Variants in GATAD2A observed in about 807,000 individuals in gnomAD.
GATAD2A encodes transcriptional repressor p66-alpha.
GATAD2A carries 12 observed loss-of-function variants against 68.5 expected under a neutral mutation model. The observed-to-expected ratio is 0.18, with a 90% CI of 0.11 to 0.28. The LOEUF is 0.28. Among genes scored for constraint, GATAD2A ranks in the 10% least tolerant of loss-of-function variants. The pLI is 1.00. For synonymous variants in GATAD2A, 410 were observed against 375.3 expected, an observed-to-expected ratio of 1.09 and a Z score of -1.07; for missense variants, 755 against 868.5, an observed-to-expected ratio of 0.87 and a Z score of 1.64.
intron 1 of GATAD2A, among the ~76,000 whole-genome samples, chr19:19,444,912 T>C (rs1265954138): frequency 6.6e-6 from 1 of 151,704 alleles, no homozygotes; most frequent in Non-Finnish European, 1.5e-5. Context: ...AGTTTTGTTT[T>C]ATTTGGATTT....
intron 2 of GATAD2A, among the ~76,000 whole-genome samples, chr19:19,473,150 G>C (rs2058434756): frequency 6.6e-6 from 1 of 152,172 alleles, no homozygotes; most frequent in Non-Finnish European, 1.5e-5. Flanking sequence ...TGGCGTTCAG[G>C]CAGCTCTTGT....
Position 19,492,371 on chromosome 19 carries a change from C to G in GATAD2A, c.335C>G (p.Pro112Arg), listed in dbSNP as rs2059855564. The change falls in exon 3 of 12, where the codon CCC becomes CGC. Residue 112 changes from proline (P) to arginine (R), a missense_variant. Transcript: ENST00000683918. ...DVIVLSDNEQ[P>R]SSPRVNGLTT... is the part of the protein sequence containing the mutation. ...ATTGTGCTCTCCGACAACGAGCAGC[C>G]CTCGAGCCCGAGAGTGAATGGGCTG... The G allele has an allele frequency of 6.2e-7, 1 of 1,612,958 alleles. No individual in the cohort carries two copies. The highest frequency in any genetic ancestry group is 8.5e-7 in the Non-Finnish European group (1 of 1,179,506).
intron 1 of GATAD2A, among the ~76,000 whole-genome samples, chr19:19,408,653 T>G (rs2050570046): frequency 6.6e-6 from 1 of 152,214 alleles, no homozygotes; most frequent in African/African-American, 2.4e-5. Context: ...AGGTAGTGAT[T>G]TCTAGATTGA....
intron 10 of GATAD2A, 41 bp downstream of exon 10, chr19:19,502,084 C>T (rs535919053): frequency 1.1e-5 from 16 of 1,468,124 alleles, no homozygotes; most frequent in South Asian, 3.4e-5. Flanking sequence ...GCGCCCCCAC[C>T]GCAGCCCGTG....
chr19:19,406,781 A>G (rs1431516195), intron 1 of GATAD2A, among the ~76,000 whole-genome samples: 12 of 152,198 alleles, frequency 7.9e-5, no homozygotes, highest in Non-Finnish European at 1.8e-4. Context: ...GCTTATGGGC[A>G]GGGCCCAGGC....
intron 2 of GATAD2A, among the ~76,000 whole-genome samples, chr19:19,477,534 T>G (rs1313993489): frequency 1.3e-5 from 2 of 152,086 alleles, no homozygotes; most frequent in African/African-American, 4.8e-5. Flanking sequence ...TCTGGGGGAC[T>G]GCAGCCCAGA....
At chr19:19,464,397 G>A (rs544940755) in intron 1 of GATAD2A, among the ~76,000 whole-genome samples, 217 of 152,310 alleles carry the variant, frequency 1.4e-3, no homozygotes, top group Non-Finnish European at 1.8e-3. Flanking sequence ...GGACGTCGAG[G>A]CCGGGATTAG....
chr19:19,405,536 G>A (rs918128796), upstream of GATAD2A, among the ~76,000 whole-genome samples: 4 of 152,124 alleles, frequency 2.6e-5, no homozygotes, highest in African/African-American at 9.6e-5. Flanking sequence ...GGTGTCGCGT[G>A]GGAGCGCGCC....
intron 1 of GATAD2A, among the ~76,000 whole-genome samples, chr19:19,462,312 G>A (rs2057504865): frequency 6.6e-6 from 1 of 152,226 alleles, no homozygotes; most frequent in African/African-American, 2.4e-5. Flanking sequence ...GGTGGCCGAG[G>A]ATTGGCCAGT....
chr19:19,398,392 C>T (rs1020937720), intron 1 of GATAD2A, among the ~76,000 whole-genome samples: 1 of 151,242 alleles, frequency 6.6e-6, no homozygotes, highest in Non-Finnish European at 1.5e-5. Flanking sequence ...TTAGTAGAGA[C>T]GGGGTTTCAT....
intron 3 of GATAD2A, 35 bp from the exon 4 acceptor site, chr19:19,492,546 G>A (rs765567240): frequency 1.9e-6 from 3 of 1,612,836 alleles, no homozygotes; most frequent in East Asian, 2.2e-5. Flanking sequence ...CACCAAGGAC[G>A]CTCCCTCTCA....
chr19:19,440,911 C>T (rs1195421456), intron 1 of GATAD2A, among the ~76,000 whole-genome samples: 3 of 138,430 alleles, frequency 2.2e-5, no homozygotes, highest in East Asian at 4.0e-4. Context: ...CCCTTCCTTT[C>T]CTTCCTTCCC....
At chr19:19,443,677 C>T (rs947459589) in intron 1 of GATAD2A, among the ~76,000 whole-genome samples, 2 of 152,154 alleles carry the variant, frequency 1.3e-5, no homozygotes, top group African/African-American at 4.8e-5. Flanking sequence ...TGCAGTTAAT[C>T]ACACCATTAT....
intron 1 of GATAD2A, among the ~76,000 whole-genome samples, chr19:19,443,944 C>T (rs1005591482): frequency 1.3e-5 from 2 of 152,054 alleles, no homozygotes; most frequent in African/African-American, 2.4e-5. Flanking sequence ...CAGACAGCCT[C>T]TCTTACACAC....
intron 11 of GATAD2A, among the ~76,000 whole-genome samples, chr19:19,502,883 G>T (rs915602361): frequency 6.6e-6 from 1 of 152,154 alleles, no homozygotes; most frequent in Non-Finnish European, 1.5e-5. Flanking sequence ...TCTTTGTGCC[G>T]CAGCAAACAT....
In GATAD2A at chr19:19,419,701, A is replaced by G. The variant is rs970293407; in HGVS notation, c.-7+13682A>G. ...CCAGCTAATTTTTGTATTTTAGTAGAGATGGGGTTTTGCCATGTTGGCCAG... is the reference window on the plus strand; with the variant it reads ...CCAGCTAATTTTTGTATTTTAGTAGGGATGGGGTTTTGCCATGTTGGCCAG... On this transcript the variant is annotated intron_variant, in intron 1 of 11. Transcript: ENST00000683918. Among the ~76,000 whole-genome samples, 5 of 151,906 alleles carry G rather than the reference A, an allele frequency of 3.3e-5. No homozygotes were observed. The East Asian group carries it at 9.7e-4, about 29-fold the overall frequency.
intron 2 of GATAD2A, among the ~76,000 whole-genome samples, chr19:19,466,640 G>A (rs1447431467): frequency 6.6e-6 from 1 of 152,204 alleles, no homozygotes; most frequent in East Asian, 1.9e-4. Context: ...GGTGTTCACA[G>A]CGTTTAAAAT....
chr19:19,440,986 TTTCCTTCCC>T (rs368587567), intron 1 of GATAD2A, among the ~76,000 whole-genome samples: 7,503 of 72,654 alleles, frequency 0.1, 496 homozygotes, highest in Middle Eastern at 0.14. Flanking sequence ...CTTTCCTTCC[TTTCCTTCCC>T]TTCCTTCCCT....
intron 1 of GATAD2A, among the ~76,000 whole-genome samples, chr19:19,446,244 A>C (rs551706403): frequency 1.3e-5 from 2 of 152,150 alleles, no homozygotes; most frequent in East Asian, 3.9e-4. Context: ...GCGGTTTCTC[A>C]TGGTGGTTTT....
Sources: allele counts gnomAD v4.1 joint callset (sites outside exome capture counted in the v4.1 genomes callset), GRCh38; gene constraint gnomAD v4.1.1; transcripts MANE v1.5; gene names NCBI Gene and HGNC (gene_info 2026-07-23, HGNC 2026-07-21).